The following ZNF69 variants were observed in gnomAD, a reference collection of about 807,000 sequenced individuals.
The protein encoded by ZNF69 is ZNF3.
In ZNF69, 47 loss-of-function variants were observed where a neutral mutation model predicts 50.9. The observed-to-expected ratio is 0.92, with a 90% CI of 0.73 to 1.18. The LOEUF is 1.18. Ranked by LOEUF, ZNF69 falls within the 50% of genes most tolerant of loss-of-function variation. ZNF69 has a pLI of 0.00. For synonymous variants in ZNF69, 216 were observed against 223.1 expected, an observed-to-expected ratio of 0.97 and a Z score of 0.29; for missense variants, 717 against 675.1, an observed-to-expected ratio of 1.06 and a Z score of -0.69.
At chr19:11,916,459 A>G (rs1972522900), downstream of ZNF69, among the ~76,000 whole-genome samples, 1 of 152,122 alleles carries the variant, frequency 6.6e-6, no homozygotes, top group African/African-American at 2.4e-5. Context: ...TATGAAAAAT[A>G]TAAAAATTAG....
At chr19:11,957,787 G>A in the ZNF69 span, among the ~76,000 whole-genome samples, 5 of 152,030 alleles carry the variant, frequency 3.3e-5, no homozygotes, top group Non-Finnish European at 7.3e-5. Context: ...GGAGGTTGCA[G>A]TGAGCCAAGA....
the ZNF69 span, chr19:11,950,432 T>C: frequency 1.3e-6 from 1 of 755,200 alleles, no homozygotes; most frequent in Non-Finnish European, 2.3e-6. Context: ...TTTACTTCTT[T>C]TCAATGTCAT....
At chr19:11,934,557 G>A in the ZNF69 span, among the ~76,000 whole-genome samples, 3 of 146,862 alleles carry the variant, frequency 2.0e-5, no homozygotes, top group East Asian at 3.9e-4. Context: ...ATGCAGTTTC[G>A]CTTTTGTTTC....
the ZNF69 span, among the ~76,000 whole-genome samples, chr19:11,922,529 G>T: frequency 1.3e-5 from 2 of 152,126 alleles, no homozygotes; most frequent in Admixed American, 1.3e-4. Context: ...GGAAGTTCAG[G>T]GAACAAGCTG....
the ZNF69 span, chr19:11,978,330 T>TATC: frequency 6.2e-7 from 1 of 1,614,052 alleles, no homozygotes; most frequent in Non-Finnish European, 8.5e-7. Context: ...GGCATACGAG[T>TATC]ATCAGGACTA....
At chr19:11,896,217 TAAAA>T (rs138289885) in intron 1 of ZNF69, among the ~76,000 whole-genome samples, 5 of 63,856 alleles carry the variant, frequency 7.8e-5, no homozygotes, top group East Asian at 4.5e-4. Flanking sequence ...GAAACTCCAT[TAAAA>T]AAAAAAAAAA....
At chr19:11,888,759 G>A (rs976131863) in intron 1 of ZNF69, among the ~76,000 whole-genome samples, 1 of 152,106 alleles carries the variant, frequency 6.6e-6, no homozygotes, top group African/African-American at 2.4e-5. Flanking sequence ...CCTGAGGTCA[G>A]GAGTTCAAGA....
intron 1 of ZNF69, among the ~76,000 whole-genome samples, chr19:11,895,828 C>T (rs1977212280): frequency 6.6e-6 from 1 of 152,112 alleles, no homozygotes. Flanking sequence ...GATTATTCTC[C>T]TGTAGATAAC....
the ZNF69 span, among the ~76,000 whole-genome samples, chr19:11,968,707 T>C: frequency 6.6e-6 from 1 of 152,206 alleles, no homozygotes; most frequent in South Asian, 2.1e-4. Flanking sequence ...AGAGGGAAAT[T>C]AGTGTACTAT....
In ZNF69 at chr19:11,905,681, C is replaced by T. The variant is rs777423673; in HGVS notation, c.1284C>T (p.Ser428=). 2 of 1,613,722 alleles carry T rather than the reference C, an allele frequency of 1.2e-6. No individual in the cohort carries two copies. The highest frequency in any genetic ancestry group is 1.7e-6 in the Non-Finnish European group (2 of 1,179,960). The change falls in exon 4 of 4, where the codon TCC becomes TCT. Residue 428 remains serine, a synonymous_variant. Transcript: ENST00000429654. Reference sequence around the variant, plus strand: ...AATGTGGGAAGGCCTTCAGATCTTCCTCACACCTTCAATTGCATGGTAGGA... The same window carrying T: ...AATGTGGGAAGGCCTTCAGATCTTCTTCACACCTTCAATTGCATGGTAGGA... ...CKQCGKAFRS[S]SHLQLHGRTH...
At chr19:11,947,451 A>C in the ZNF69 span, 10 of 1,602,306 alleles carry the variant, frequency 6.2e-6, no homozygotes, top group Non-Finnish European at 6.8e-6. Flanking sequence ...TGGGCACAGA[A>C]TCTAATAATT....
chr19:11,908,820 TC>T (rs1316584800), downstream of ZNF69, among the ~76,000 whole-genome samples: 1 of 151,728 alleles, frequency 6.6e-6, no homozygotes, highest in Non-Finnish European at 1.5e-5. Flanking sequence ...ATAACTAAGA[TC>T]AGAGCAGAAC....
the ZNF69 span, chr19:11,977,504 A>G: frequency 6.5e-7 from 1 of 1,543,884 alleles, no homozygotes; most frequent in Non-Finnish European, 8.8e-7. Flanking sequence ...AAGAGAAGTA[A>G]AACAAAGAAC....
At chr19:11,902,716 T>G (rs902386939) in intron 1 of ZNF69, among the ~76,000 whole-genome samples, 7 of 151,408 alleles carry the variant, frequency 4.6e-5, no homozygotes, top group Admixed American at 1.3e-4. Flanking sequence ...GCTACCTACA[T>G]GCTTCCTCTG....
chr19:11,894,635 G>A (rs961799633), intron 1 of ZNF69, among the ~76,000 whole-genome samples: 15 of 152,154 alleles, frequency 9.9e-5, no homozygotes, highest in Admixed American at 9.8e-4. Context: ...CTCCTCCCAG[G>A]GGACAGACTG....
chr19:11,905,031 G>C lies in ZNF69; in HGVS notation c.634G>C (p.Val212Leu). Residue 212 changes from valine (V) to leucine (L), a missense_variant, in exon 4 of 4, where the codon GTA (valine) becomes CTA (leucine). By Grantham distance (32) the Val-to-Leu change is conservative. Transcript: ENST00000429654. ...CCATTCAAGCATTCAAAGACACGTG[G>C]TAATGCACAGTGGGGATGGACCTTA... ...ISHSSIQRHVVMHSGDGPYKC... is the reference protein window; with the variant it reads ...ISHSSIQRHVLMHSGDGPYKC... 1 of 1,614,120 alleles carries C rather than the reference G, an allele frequency of 6.2e-7. No homozygotes were observed. The highest frequency in any genetic ancestry group is 8.5e-7 in the Non-Finnish European group (1 of 1,180,016).
At chr19:11,957,955 A>G in the ZNF69 span, among the ~76,000 whole-genome samples, 1 of 152,142 alleles carries the variant, frequency 6.6e-6, no homozygotes, top group Non-Finnish European at 1.5e-5. Context: ...TGTTCACCTA[A>G]TGGTTTGTGA....
chr19:11,891,340 C>T (rs1438190267), intron 1 of ZNF69, among the ~76,000 whole-genome samples: 1 of 149,018 alleles, frequency 6.7e-6, no homozygotes, highest in Non-Finnish European at 1.5e-5. Context: ...CGTTCAAGAC[C>T]CAGCTGGCCA....
the ZNF69 span, among the ~76,000 whole-genome samples, chr19:11,924,082 A>G: frequency 7.6e-3 from 1,152 of 152,222 alleles, 13 homozygotes; most frequent in African/African-American, 0.027. Context: ...TCTTCTGGGC[A>G]GGGTTTGGGG....
Sources: allele counts gnomAD v4.1 joint callset (sites outside exome capture counted in the v4.1 genomes callset), GRCh38; gene constraint gnomAD v4.1.1; transcripts MANE v1.5; gene names NCBI Gene and HGNC (gene_info 2026-07-23, HGNC 2026-07-21).